The following GDPD5 variants were observed in gnomAD, a reference collection of about 807,000 sequenced individuals.
GDPD5 encodes glycerophosphodiester phosphodiesterase 2.
Under a neutral mutation model 75.1 loss-of-function variants are expected in GDPD5, and 48 were observed. The observed-to-expected ratio is 0.64, with a 90% CI of 0.51 to 0.81. The LOEUF is 0.81. Among genes scored for constraint, GDPD5 ranks in the 40% least tolerant of loss-of-function variants. GDPD5 has a pLI of 0.00. For synonymous variants in GDPD5, 336 were observed against 339.0 expected (o/e 0.99, Z 0.10); for missense variants, 706 against 822.6 (o/e 0.86, Z 1.73).
intron 1 of GDPD5, among the ~76,000 whole-genome samples, chr11:75,519,266 G>A (rs1414163373): frequency 6.6e-6 from 1 of 152,156 alleles, no homozygotes; most frequent in Admixed American, 6.5e-5. Context: ...TGATCTCACA[G>A]AGGTCCAAAG....
chr11:75,437,098 G>A (rs1258289713), intron 15 of GDPD5, 50 bp from the exon 16 acceptor site: 3 of 1,391,338 alleles, frequency 2.2e-6, no homozygotes, highest in Non-Finnish European at 3.0e-6. Flanking sequence ...CCCTCCCTTG[G>A]AGCAGAGACC....
In GDPD5 at chr11:75,441,302, G is replaced by A. The variant is rs754486109; in HGVS notation, c.1334C>T (p.Ala445Val). 5.6e-6 allele frequency: 9 copies of A among 1,614,130 alleles called. No individual in the cohort carries two copies. The highest frequency in any genetic ancestry group is 4.5e-5 in the East Asian group (2 of 44,876). The change falls in exon 14 of 17, where the codon GCG (alanine) becomes GTG (valine). Residue 445 changes from alanine to valine, a missense_variant. Physicochemically the swap from Ala to Val is moderately conservative, Grantham distance 64. Transcript: ENST00000336898. The stretch of plus-strand genomic sequence containing the variant: ...GAGGTTCACACTCAGGTTCCAGGAC[G>A]CGTAGTCCCTGTGGGGCAGGGGAGA... ...QVSRQELRDY[A>V]SWNLSVNLYT... is the part of the protein sequence containing the mutation.
At position 75,441,672 on chromosome 11, in the gene GDPD5, G is replaced by A. The variant is rs1283930573; in HGVS notation, c.1299C>T (p.Tyr433=). ...RGHIQRLNLR[Y]TQVSRQELRD... ...TGAGCTCCTGGCGGGACACCTGAGT[G>A]TAGCGCAGGTTCAGCCGCTGGATGT... The change falls in exon 13 of 17, where the codon TAC becomes TAT. Residue 433 remains tyrosine, a synonymous_variant. Transcript: ENST00000336898. 1 of 1,597,808 alleles carries A rather than the reference G, an allele frequency of 6.3e-7. No individual in the cohort carries two copies.
intron 1 of GDPD5, among the ~76,000 whole-genome samples, chr11:75,518,435 G>T (rs1950688263): frequency 6.6e-6 from 1 of 152,174 alleles, no homozygotes; most frequent in South Asian, 2.1e-4. Flanking sequence ...CAGCCAGGTG[G>T]CTCTCAAACT....
At chr11:75,471,808 G>T (rs1483097977) in intron 3 of GDPD5, among the ~76,000 whole-genome samples, 1 of 152,164 alleles carries the variant, frequency 6.6e-6, no homozygotes, top group Non-Finnish European at 1.5e-5. Flanking sequence ...GGTTTCCTAA[G>T]GCAAGAGACA....
intron 9 of GDPD5, among the ~76,000 whole-genome samples, chr11:75,446,154 T>G (rs1024819288): frequency 6.6e-6 from 1 of 152,190 alleles, no homozygotes; most frequent in Non-Finnish European, 1.5e-5. Context: ...CCCTGCTGCA[T>G]GGGCTGGGGC....
intron 6 of GDPD5, among the ~76,000 whole-genome samples, chr11:75,455,833 G>GT (rs1343312189): frequency 6.6e-6 from 1 of 152,216 alleles, no homozygotes; most frequent in African/African-American, 2.4e-5. Context: ...TGCAATGGAC[G>GT]TAAGGCAGAG....
At chr11:75,518,051 C>A (rs1950681089) in intron 1 of GDPD5, among the ~76,000 whole-genome samples, 1 of 152,232 alleles carries the variant, frequency 6.6e-6, no homozygotes, top group Admixed American at 6.5e-5. Flanking sequence ...GTGTTGATCC[C>A]ACCCTAACCA....
At chr11:75,475,916 T>C (rs528295278) in intron 3 of GDPD5, among the ~76,000 whole-genome samples, 1 of 152,262 alleles carries the variant, frequency 6.6e-6, no homozygotes, top group African/African-American at 2.4e-5. Flanking sequence ...CTCAGCCCAC[T>C]TCCTCCACTC....
intron 2 of GDPD5, among the ~76,000 whole-genome samples, chr11:75,487,082 G>A (rs1020018581): frequency 2.6e-5 from 4 of 152,170 alleles, no homozygotes; most frequent in African/African-American, 9.7e-5. Flanking sequence ...TCTGGAAAAA[G>A]CCCAGCCAGT....
At chr11:75,495,878 G>A (rs1177743544) in intron 1 of GDPD5, among the ~76,000 whole-genome samples, 2 of 152,210 alleles carry the variant, frequency 1.3e-5, no homozygotes, top group Non-Finnish European at 2.9e-5. Context: ...ACATCTGTGA[G>A]CAACTGCTTG....
intron 3 of GDPD5, among the ~76,000 whole-genome samples, chr11:75,465,178 A>C (rs1949490454): frequency 3.3e-5 from 5 of 152,160 alleles, no homozygotes; most frequent in Admixed American, 3.3e-4. Context: ...AGAGCTTCTC[A>C]GTAGATGTCA....
chr11:75,510,893 G>A (rs1353444747), intron 1 of GDPD5, among the ~76,000 whole-genome samples: 3 of 152,174 alleles, frequency 2.0e-5, no homozygotes, highest in South Asian at 2.1e-4. Context: ...GTACAGCTCC[G>A]CTGAATTGAG....
At chr11:75,474,744 C>T (rs1029695001) in intron 3 of GDPD5, among the ~76,000 whole-genome samples, 1 of 152,170 alleles carries the variant, frequency 6.6e-6, no homozygotes, top group African/African-American at 2.4e-5. Flanking sequence ...CTCCCAGGAT[C>T]CACTTCAGGG....
intron 3 of GDPD5, among the ~76,000 whole-genome samples, chr11:75,471,459 C>CA (rs1477608988): frequency 6.6e-6 from 1 of 152,164 alleles, no homozygotes; most frequent in African/African-American, 2.4e-5. Context: ...GCATTGCACT[C>CA]AGAGTGGTTC....
chr11:75,513,429 G>C (rs778164547), intron 1 of GDPD5, among the ~76,000 whole-genome samples: 5 of 152,000 alleles, frequency 3.3e-5, no homozygotes, highest in Non-Finnish European at 7.4e-5. Context: ...GAGCCGGTGG[G>C]AGTCAGGGTG....
intron 2 of GDPD5, among the ~76,000 whole-genome samples, chr11:75,480,792 T>C (rs1295976859): frequency 1.3e-5 from 2 of 152,222 alleles, no homozygotes; most frequent in Non-Finnish European, 2.9e-5. Flanking sequence ...AGTCTTTATG[T>C]TTTTAAATGG....
At chr11:75,449,185 G>A (rs1949064574) in intron 8 of GDPD5, 63 bp from the exon 9 acceptor site, 1 of 1,514,988 alleles carries the variant, frequency 6.6e-7, no homozygotes, top group Non-Finnish European at 8.9e-7. Context: ...TGCAATGCTG[G>A]ACCCCTCTAC....
chr11:75,511,239 CA>C lies in GDPD5; in HGVS notation c.-145+13970del, dbSNP rs200194020. ...AAGAGTATTCCCTGTGATGCTCTCT[CA>C]AAATGCAGTCCTGGGCCAGGAAACT... On this transcript the variant is annotated intron_variant, in intron 1 of 16. Transcript: ENST00000336898. Among the ~76,000 whole-genome samples, 1,297 of 152,338 alleles carry C rather than the reference CA, an allele frequency of 8.5e-3. 26 individuals carry two copies. Among genetic ancestry groups the C allele is most frequent in the African/African-American group, 0.03 (1,240 of 41,574 alleles).
Sources: allele counts gnomAD v4.1 joint callset (sites outside exome capture counted in the v4.1 genomes callset), GRCh38; gene constraint gnomAD v4.1.1; transcripts MANE v1.5; gene names NCBI Gene and HGNC (gene_info 2026-07-23, HGNC 2026-07-21).